Variants in RPTOR observed in about 807,000 individuals in gnomAD.
RPTOR encodes regulatory-associated protein of mTOR.
Under a neutral mutation model 169.9 loss-of-function variants are expected in RPTOR, and 21 were observed. The observed-to-expected ratio is 0.12, with a 90% CI of 0.09 to 0.18. The LOEUF is 0.18. RPTOR is among the 10% of genes least tolerant of loss of function. RPTOR has a pLI of 1.00. For missense variants in RPTOR, 1,133 were observed against 1,855.9 expected (o/e 0.61, Z 7.16); for synonymous variants, 732 against 753.2 (o/e 0.97, Z 0.46).
chr17:80,717,645 GCCTGCAGCATTACA>G (rs1189641732), intron 4 of RPTOR, among the ~76,000 whole-genome samples: 128 of 152,264 alleles, frequency 8.4e-4, no homozygotes, highest in African/African-American at 2.9e-3. Flanking sequence ...TCAAAACGAA[GCCTGCAGCATTACA>G]GATGATACAC....
intron 2 of RPTOR, among the ~76,000 whole-genome samples, chr17:80,637,500 T>C (rs1331237710): frequency 6.6e-6 from 1 of 152,200 alleles, no homozygotes; most frequent in African/African-American, 2.4e-5. Flanking sequence ...AAGTGACACT[T>C]GTCCCTTTTC....
intron 24 of RPTOR, among the ~76,000 whole-genome samples, chr17:80,930,441 C>G (rs1389511609): frequency 2.0e-5 from 3 of 151,640 alleles, no homozygotes; most frequent in African/African-American, 4.8e-5. Context: ...TCATCCCCAG[C>G]TCATCCTCAG....
intron 20 of RPTOR, among the ~76,000 whole-genome samples, chr17:80,899,404 T>TG (rs1272764788): frequency 6.6e-6 from 1 of 152,224 alleles, no homozygotes; most frequent in Non-Finnish European, 1.5e-5. Flanking sequence ...AAAAAGGTAT[T>TG]TAAAAATTTT....
At chr17:80,944,453 C>G (rs926792359) in intron 25 of RPTOR, among the ~76,000 whole-genome samples, 1 of 152,218 alleles carries the variant, frequency 6.6e-6, no homozygotes, top group African/African-American at 2.4e-5. Flanking sequence ...ATGTCCAGCT[C>G]GGCATCAGGA....
chr17:80,697,714 G>C (rs573149338), intron 3 of RPTOR, among the ~76,000 whole-genome samples: 31 of 152,248 alleles, frequency 2.0e-4, no homozygotes, highest in Admixed American at 3.3e-4. Flanking sequence ...ACTGGGCTGA[G>C]CAGAGGGCTC....
At chr17:80,685,890 C>T (rs1204706862) in intron 3 of RPTOR, among the ~76,000 whole-genome samples, 1 of 151,504 alleles carries the variant, frequency 6.6e-6, no homozygotes, top group Non-Finnish European at 1.5e-5. Flanking sequence ...CCCTATTTCT[C>T]CTCATCAGGT....
At chr17:80,576,681 G>A (rs923247656) in intron 1 of RPTOR, among the ~76,000 whole-genome samples, 1 of 152,174 alleles carries the variant, frequency 6.6e-6, no homozygotes, top group Non-Finnish European at 1.5e-5. Flanking sequence ...CACTTCGTTA[G>A]TCTGAAAATA....
intron 12 of RPTOR, among the ~76,000 whole-genome samples, chr17:80,856,859 C>T (rs929928137): frequency 1.8e-4 from 28 of 152,140 alleles, no homozygotes; most frequent in East Asian, 3.8e-4. Flanking sequence ...ATACATGAAT[C>T]GAGGCTGGAT....
chr17:80,744,739 T>C (rs371509635), intron 5 of RPTOR, among the ~76,000 whole-genome samples: 22 of 4,736 alleles, frequency 4.6e-3, no homozygotes, highest in East Asian at 0.016. Flanking sequence ...ACTAGCACTG[T>C]CCTGGCTACT....
chr17:80,682,893 T>C (rs1010235794), intron 3 of RPTOR, among the ~76,000 whole-genome samples: 3 of 152,194 alleles, frequency 2.0e-5, no homozygotes, highest in Admixed American at 6.5e-5. Context: ...CTTGAACTCC[T>C]GGGCTCAAGT....
At position 80,702,223 on chromosome 17, in the gene RPTOR, T is replaced by TTTTTG. The variant is rs2066106915; in HGVS notation, c.349-5603_349-5599dup. Among the ~76,000 whole-genome samples the TTTTTG allele has an allele frequency of 3.3e-5, 5 of 151,972 alleles. No homozygotes were observed. The South Asian group carries it at 6.2e-4, about 19-fold the overall frequency. On this transcript the variant is annotated intron_variant, in intron 3 of 33. Coordinates refer to ENST00000306801, the MANE Select transcript of RPTOR (RefSeq NM_020761.3). ...TTTCCTTCATTAAACCAAGGGCCCATTTTTGTTTTGTTTTGTTTTTTGTTT... is the reference window on the plus strand; with the variant it reads ...TTTCCTTCATTAAACCAAGGGCCCATTTTTGTTTTGTTTTGTTTTGTTTTTTGTTT...
At chr17:80,926,709 A>C (rs1351154121) in intron 24 of RPTOR, among the ~76,000 whole-genome samples, 1 of 152,236 alleles carries the variant, frequency 6.6e-6, no homozygotes, top group Admixed American at 6.5e-5. Context: ...AAGAAGCCAG[A>C]TTTACAGAAC....
intron 3 of RPTOR, among the ~76,000 whole-genome samples, chr17:80,655,840 G>A (rs575705192): frequency 6.6e-6 from 1 of 152,240 alleles, no homozygotes; most frequent in South Asian, 2.1e-4. Flanking sequence ...CTTGTCATAT[G>A]TAATGTGTGT....
chr17:80,685,627 ATTTTTTTTTTTT>A (rs1165540456), intron 3 of RPTOR, among the ~76,000 whole-genome samples: 37 of 30,666 alleles, frequency 1.2e-3, no homozygotes, highest in Admixed American at 1.1e-3. Context: ...ATATATATAT[ATTTTTTTTTTTT>A]TTTTTTTTTT....
rs1029501635 is a variant in RPTOR at position 80,651,375 on chromosome 17, G to T, written c.348+7565G>T. ...GGGAAACGATCAATAACAGATTGGAGGGGGACGGCCACTTCAAAGTGTCTG... is the reference window on the plus strand; with the variant it reads ...GGGAAACGATCAATAACAGATTGGATGGGGACGGCCACTTCAAAGTGTCTG... On this transcript the variant is annotated intron_variant, in intron 3 of 33. Coordinates refer to ENST00000306801, the MANE Select transcript of RPTOR (RefSeq NM_020761.3). This position sits in a 1 kb window ranked among gnomAD's most constrained non-coding sequence, Gnocchi z 4.1. Among the ~76,000 whole-genome samples the T allele has an allele frequency of 6.6e-6, 1 of 152,180 alleles. No homozygotes were observed. The highest frequency in any genetic ancestry group is 1.5e-5 in the Non-Finnish European group (1 of 68,032).
rs1157448443 is a variant in RPTOR at position 80,878,882 on chromosome 17, T to G, written c.1510-1533T>G. 1.3e-5 allele frequency among the ~76,000 whole-genome samples: 2 copies of G among 152,170 alleles called. No homozygotes were observed. Among genetic ancestry groups the G allele is most frequent in the African/African-American group, 4.8e-5 (2 of 41,440 alleles). On this transcript the variant is annotated intron_variant, in intron 13 of 33. Transcript: ENST00000306801. The surrounding 1 kb of genome is among the most constrained non-coding windows in gnomAD (Gnocchi z 4.1). ...AGCCTGGTGTGGCTTCCGGTAACAC[T>G]GCCAGCCTCAGAGCCGGCCTGTTTC...
intron 9 of RPTOR, among the ~76,000 whole-genome samples, chr17:80,827,164 C>T (rs2067453708): frequency 6.6e-6 from 1 of 152,210 alleles, no homozygotes; most frequent in Non-Finnish European, 1.5e-5. Context: ...AGATTACAGA[C>T]CAGTCATGGC....
At chr17:80,898,439 C>G (rs969422161) in intron 20 of RPTOR, among the ~76,000 whole-genome samples, 1 of 152,146 alleles carries the variant, frequency 6.6e-6, no homozygotes, top group Non-Finnish European at 1.5e-5. Flanking sequence ...AACTTTTAGG[C>G]TTTGTGGATT....
At chr17:80,826,223 T>G (rs567601000) in intron 9 of RPTOR, among the ~76,000 whole-genome samples, 1 of 152,174 alleles carries the variant, frequency 6.6e-6, no homozygotes, top group African/African-American at 2.4e-5. Flanking sequence ...TAAGAGAAAA[T>G]CTCACCTGCC....
Sources: gnomAD v4.1 joint callset for allele counts (sites outside exome capture counted in the v4.1 genomes callset) on GRCh38, gnomAD v4.1.1 for gene constraint, Gnocchi (gnomAD v3.1) non-coding constraint, MANE v1.5 for transcripts, NCBI Gene and HGNC (gene_info 2026-07-23, HGNC 2026-07-21) for gene names.